The following SKAP2 variants were observed in gnomAD, a reference collection of about 807,000 sequenced individuals.
SKAP2 encodes src kinase-associated phosphoprotein 2.
A neutral mutation model predicts 54.9 loss-of-function variants in SKAP2; 28 were observed. The observed-to-expected ratio is 0.51, with a 90% CI of 0.38 to 0.70. The LOEUF is 0.70. Ranked by LOEUF, SKAP2 falls within the 30% of genes least tolerant of loss-of-function variation. The pLI is 0.00. For missense variants in SKAP2, 356 were observed against 424.1 expected (o/e 0.84, Z 1.41); for synonymous variants, 137 against 134.3 (o/e 1.02, Z -0.14).
At chr7:26,841,333 G>A (rs1289640868) in intron 4 of SKAP2, among the ~76,000 whole-genome samples, 1 of 151,732 alleles carries the variant, frequency 6.6e-6, no homozygotes, top group Non-Finnish European at 1.5e-5. Context: ...CTATCAATCA[G>A]GCAGTTGGCC....
At chr7:26,715,720 AG>A (rs1278340451) in intron 9 of SKAP2, among the ~76,000 whole-genome samples, 1 of 152,160 alleles carries the variant, frequency 6.6e-6, no homozygotes. Context: ...TGGAGAGTGC[AG>A]TGAGCCGAGA....
In SKAP2 at chr7:26,726,899, C is replaced by T. The variant is rs150725979; in HGVS notation, c.577G>A (p.Asp193Asn). Residue 193 changes from aspartate to asparagine, a missense_variant, in exon 7 of 13, where the codon GAT (aspartate) becomes AAT (asparagine). Coordinates refer to ENST00000345317, the MANE Select transcript of SKAP2 (RefSeq NM_003930.5). Reference sequence around the variant, plus strand: ...ACTACAACCTGATATATACGTTTATCAGGAGCAGAGATTTCAAAACAGCAA... The same window carrying T: ...ACTACAACCTGATATATACGTTTATTAGGAGCAGAGATTTCAAAACAGCAA... ...KDCCFEISAP[D>N]KRIYQFTAAS... 3.1e-6 allele frequency: 5 copies of T among 1,608,524 alleles called. No individual in the cohort carries two copies.
intron 1 of SKAP2, chr7:26,857,657 G>A (rs1785200834): frequency 2.0e-6 from 2 of 985,290 alleles, no homozygotes; most frequent in East Asian, 1.1e-4. Context: ...TAAACCCCAG[G>A]GTTCCTCTCA....
At chr7:26,711,806 A>T (rs530216203) in intron 9 of SKAP2, among the ~76,000 whole-genome samples, 1 of 152,326 alleles carries the variant, frequency 6.6e-6, no homozygotes, top group South Asian at 2.1e-4. Context: ...ACCACGTAGA[A>T]TAGGCTATAT....
At chr7:26,692,046 A>G (rs560542354) in intron 9 of SKAP2, among the ~76,000 whole-genome samples, 1 of 152,248 alleles carries the variant, frequency 6.6e-6, no homozygotes, top group African/African-American at 2.4e-5. Flanking sequence ...TGTCTCAGAC[A>G]GCCTAAAAAA....
At chr7:26,742,934 T>A (rs975631263) in intron 4 of SKAP2, among the ~76,000 whole-genome samples, 2 of 152,150 alleles carry the variant, frequency 1.3e-5, no homozygotes, top group African/African-American at 4.8e-5. Context: ...CTCATATCAC[T>A]ATACCTACAA....
At chr7:26,707,600 T>G (rs1787192225) in intron 9 of SKAP2, among the ~76,000 whole-genome samples, 1 of 152,156 alleles carries the variant, frequency 6.6e-6, no homozygotes, top group African/African-American at 2.4e-5. Flanking sequence ...GAAACAGACC[T>G]GTCCTTCCCC....
At chr7:26,780,922 A>G (rs1468994875) in intron 4 of SKAP2, among the ~76,000 whole-genome samples, 2 of 152,170 alleles carry the variant, frequency 1.3e-5, no homozygotes, top group East Asian at 1.9e-4. Flanking sequence ...TGTACTACGT[A>G]TCATCTGAGT....
At chr7:26,709,670 A>G (rs1787249748) in intron 9 of SKAP2, among the ~76,000 whole-genome samples, 1 of 152,170 alleles carries the variant, frequency 6.6e-6, no homozygotes, top group South Asian at 2.1e-4. Flanking sequence ...TTAAGTCCTT[A>G]GAGAAGGCAG....
chr7:26,809,073 A>G (rs1784084949), intron 4 of SKAP2, among the ~76,000 whole-genome samples: 1 of 152,218 alleles, frequency 6.6e-6, no homozygotes, highest in Admixed American at 6.5e-5. Context: ...GATCCAAAAT[A>G]CATAAGGAAC....
intron 4 of SKAP2, among the ~76,000 whole-genome samples, chr7:26,745,831 A>T (rs183676889): frequency 1.2e-3 from 189 of 152,198 alleles, no homozygotes; most frequent in Admixed American, 3.5e-3. Context: ...CCCATTTTTT[A>T]AAAAAAGTAT....
At chr7:26,680,841 T>C (rs764130849) in intron 11 of SKAP2, among the ~76,000 whole-genome samples, 5 of 152,144 alleles carry the variant, frequency 3.3e-5, no homozygotes, top group African/African-American at 7.2e-5. Context: ...TAGCTGCTAA[T>C]TGGAAAATGT....
intron 4 of SKAP2, among the ~76,000 whole-genome samples, chr7:26,777,406 A>G (rs1783334164): frequency 6.6e-6 from 1 of 152,132 alleles, no homozygotes; most frequent in African/African-American, 2.4e-5. Flanking sequence ...TTTTGATAAA[A>G]TTTGCTATTA....
intron 9 of SKAP2, among the ~76,000 whole-genome samples, chr7:26,713,749 G>A (rs2893256): frequency 0.34 from 51,280 of 151,686 alleles, 9,839 homozygotes; most frequent in East Asian, 0.58. Context: ...ACAGGTGCCC[G>A]CCACCACGCC....
chr7:26,819,729 A>C (rs1223197558), intron 4 of SKAP2, among the ~76,000 whole-genome samples: 6 of 152,182 alleles, frequency 3.9e-5, no homozygotes, highest in African/African-American at 1.4e-4. Context: ...ATGTTTGATA[A>C]TATTAGGTAA....
intron 4 of SKAP2, among the ~76,000 whole-genome samples, chr7:26,799,114 A>ACAAGGCAAGGCAAGGCAAGG (rs111943470): frequency 1.3e-5 from 2 of 148,880 alleles, no homozygotes; most frequent in Admixed American, 6.7e-5. Context: ...GCAAGGCAAG[A>ACAAGGCAAGGCAAGGCAAGG]CAAGGCAAGG....
chr7:26,782,059 T>C (rs144606973), intron 4 of SKAP2, among the ~76,000 whole-genome samples: 267 of 152,320 alleles, frequency 1.8e-3, no homozygotes, highest in African/African-American at 6.0e-3. Flanking sequence ...ATCTATTTTC[T>C]CCACTAGACT....
At position 26,726,050 on chromosome 7, in the gene SKAP2, C is replaced by T. The variant is rs1787701362; in HGVS notation, c.595-64G>A. The T allele has an allele frequency of 1.6e-5, 16 of 1,028,172 alleles. No homozygotes were observed. The South Asian group carries it at 2.1e-4, about 14-fold the overall frequency. 63.7% of individuals were successfully genotyped at this position (1,028,172 alleles called of 1,614,324 possible). A position where few individuals can be genotyped will look rare whatever the true frequency, so the allele number is the denominator to read the frequency against. On this transcript the variant is annotated intron_variant, in intron 7 of 12. Transcript: ENST00000345317. ...GTAGGAATGAAAGGTATGTTGTATT[C>T]TTACCATTTCTTTAAGACTATTAGT...
intron 10 of SKAP2, among the ~76,000 whole-genome samples, chr7:26,687,886 G>C (rs1165551213): frequency 6.6e-6 from 1 of 151,604 alleles, no homozygotes. Flanking sequence ...TTACTACATG[G>C]ATTAATTTTC....
Sources: gnomAD v4.1 joint callset for allele counts (sites outside exome capture counted in the v4.1 genomes callset) on GRCh38, gnomAD v4.1.1 for gene constraint, MANE v1.5 for transcripts, NCBI Gene and HGNC (gene_info 2026-07-23, HGNC 2026-07-21) for gene names.